Variants in NIPA1 observed in about 807,000 individuals in gnomAD.
NIPA1 encodes the protein NIPA magnesium transporter 1.
Under a neutral mutation model 23.9 loss-of-function variants are expected in NIPA1, and 13 were observed. The observed-to-expected ratio is 0.54, with a 90% confidence interval of 0.35 to 0.87. The LOEUF (loss-of-function observed/expected upper bound fraction) is 0.87, where lower values mean the gene tolerates loss of function less well. Among genes scored for constraint, NIPA1 ranks in the 40% least tolerant of loss-of-function variants. The probability of loss-of-function intolerance (pLI) is 0.01; values close to 1 mark genes in which losing one functional copy is unlikely to be tolerated. For missense variants in NIPA1, 362 were observed against 429.7 expected (o/e 0.84, Z 1.39); for synonymous variants, 234 against 202.9 (o/e 1.15, Z -1.30).
At chr15:22,802,262 C>G (rs1190582866) in intron 1 of NIPA1, among the ~76,000 whole-genome samples, 1 of 151,740 alleles carries the variant, frequency 6.6e-6, no homozygotes, top group Non-Finnish European at 1.5e-5. Context: ...CGTGGTGGCA[C>G]ATGCCTGTAA....
In NIPA1 at chr15:22,797,167, G is replaced by A. The variant is rs143246035; in HGVS notation, c.178+10333G>A. Among the ~76,000 whole-genome samples, 204 of 150,872 alleles carry A rather than the reference G, an allele frequency of 1.4e-3. 2 individuals are homozygous for A. Among genetic ancestry groups the A allele is most frequent in the African/African-American group, 4.7e-3 (191 of 40,962 alleles). The stretch of plus-strand genomic sequence containing the variant: ...CGATTCTTGTGCCTCAGCCTCCCGA[G>A]TAGCTGGGATTACATGTGAACACCA... On this transcript the variant is annotated intron_variant, in intron 1 of 4. Transcript: ENST00000337435.
At chr15:22,791,912 G>A (rs1431461633) in intron 1 of NIPA1, among the ~76,000 whole-genome samples, 1 of 152,142 alleles carries the variant, frequency 6.6e-6, no homozygotes, top group Non-Finnish European at 1.5e-5. Flanking sequence ...AGTCCAGGGA[G>A]CGTCCTCTAC....
Position 22,824,580 on chromosome 15 carries a change from G to C in NIPA1, c.*341G>C. On this transcript the variant is annotated 3_prime_UTR_variant, in exon 5 of 5. Transcript: ENST00000337435. This position sits in a 1 kb window ranked among gnomAD's most constrained non-coding sequence, Gnocchi z 4.1. ...GAAAAAGATGGGCTCTTTCTGGTTA[G>C]TTGTTACATGATAGCAGAGATATTT... 1 of 324,482 alleles carries C rather than the reference G, an allele frequency of 3.1e-6. No individual in the cohort carries two copies. Among genetic ancestry groups the C allele is most frequent in the South Asian group, 3.2e-5 (1 of 31,732 alleles). 20.1% of individuals were successfully genotyped at this position (324,482 alleles called of 1,614,324 possible).
rs1348261105 is a variant in NIPA1, at chr15:22,824,176, G to A, written c.927G>A (p.Gln309=). The A allele has an allele frequency of 6.2e-7, 1 of 1,613,412 alleles. No homozygotes were observed. Among genetic ancestry groups the A allele is most frequent in the African/African-American group, 1.3e-5 (1 of 75,044 alleles). Residue 309 remains glutamine (Q), a synonymous_variant, in exon 5 of 5, where the codon CAG becomes CAA. Coordinates refer to ENST00000337435, the MANE Select transcript of NIPA1 (RefSeq NM_144599.5). The surrounding 1 kb of genome is among the most constrained non-coding windows in gnomAD (Gnocchi z 4.1). ...TCTCCGTGGGGATTGTCCTTATACA[G>A]GTGTTCAAAGAGTTCAATTTCAACC... The part of the protein sequence containing the change: ...TTVSVGIVLI[Q]VFKEFNFNLG...
At chr15:22,786,637 G>C, upstream of NIPA1, 8 of 982,190 alleles carry the variant, frequency 8.1e-6, no homozygotes, top group South Asian at 2.6e-4. Context: ...GCGCAGGCTC[G>C]GAGGGCGGGC....
rs368583526 is a variant in NIPA1, at chr15:22,812,374, G to A, written c.317+121G>A. The A allele has an allele frequency of 1.2e-5, 9 of 742,424 alleles. No homozygotes were observed. The East Asian group carries it at 1.2e-4, about 10-fold the overall frequency. The allele number at this position is 742,424 out of a possible 1,614,324, so 46.0% of individuals were successfully genotyped here. A position where few individuals can be genotyped will look rare whatever the true frequency, so the allele number is the denominator to read the frequency against. On this transcript the variant is annotated intron_variant, in intron 3 of 4. Transcript: ENST00000337435. ...GTAATAGAAGATAGATCTTCAGGCC[G>A]GGCATGGTGGCTTACGCCTGTAATC... is the stretch of plus-strand genomic sequence containing the variant.
chr15:22,815,764 G>A (rs1763190078), intron 3 of NIPA1, among the ~76,000 whole-genome samples: 1 of 151,986 alleles, frequency 6.6e-6, no homozygotes, highest in Admixed American at 6.6e-5. Flanking sequence ...TATACAAGTG[G>A]GATTTATCCC....
intron 1 of NIPA1, among the ~76,000 whole-genome samples, chr15:22,792,986 C>T (rs546528024): frequency 6.6e-6 from 1 of 152,066 alleles, no homozygotes; most frequent in Admixed American, 6.6e-5. Flanking sequence ...GGGTTGGTAG[C>T]GGGAGGCACA....
chr15:22,811,454 AAT>A (rs1309806769), intron 2 of NIPA1, among the ~76,000 whole-genome samples: 3 of 151,914 alleles, frequency 2.0e-5, no homozygotes, highest in Non-Finnish European at 4.4e-5. Context: ...CAAAAACAAA[AAT>A]TACCTGGGCA....
chr15:22,800,360 T>C (rs572364237), intron 1 of NIPA1, among the ~76,000 whole-genome samples: 1 of 152,300 alleles, frequency 6.6e-6, no homozygotes, highest in Non-Finnish European at 1.5e-5. Flanking sequence ...GAATAATTTT[T>C]TAATGTTCTC....
chr15:22,817,663 G>A (rs944723474), intron 3 of NIPA1, among the ~76,000 whole-genome samples: 4 of 150,880 alleles, frequency 2.7e-5, no homozygotes, highest in African/African-American at 7.3e-5. Flanking sequence ...AAATTAGCCG[G>A]GCGTAGTGGC....
intron 3 of NIPA1, among the ~76,000 whole-genome samples, chr15:22,818,718 AC>A (rs1895474865): frequency 6.7e-6 from 1 of 149,890 alleles, no homozygotes; most frequent in African/African-American, 2.5e-5. Flanking sequence ...AATTGCTTGA[AC>A]CCGGGAGGCA....
chr15:22,799,499 G>A (rs1895018487), intron 1 of NIPA1, among the ~76,000 whole-genome samples: 1 of 151,584 alleles, frequency 6.6e-6, no homozygotes, highest in African/African-American at 2.4e-5. Context: ...ACAAAAATTG[G>A]CCGGCCAGCG....
intron 3 of NIPA1, among the ~76,000 whole-genome samples, chr15:22,814,924 A>G (rs1447959747): frequency 6.6e-6 from 1 of 152,110 alleles, no homozygotes; most frequent in Non-Finnish European, 1.5e-5. Flanking sequence ...CTCTTTGTTG[A>G]GGGAGCCATT....
rs1383834867 is a variant in NIPA1, at chr15:22,827,606, A to G, written c.*3367A>G. 6.6e-6 allele frequency: 1 copy of G among 152,138 alleles called. No individual in the cohort carries two copies. The highest frequency in any genetic ancestry group is 1.9e-4 in the East Asian group (1 of 5,198). 9.4% of individuals were successfully genotyped at this position (152,138 alleles called of 1,614,324 possible). On this transcript the variant is annotated 3_prime_UTR_variant, in exon 5 of 5. Transcript: ENST00000337435. The stretch of plus-strand genomic sequence containing the variant: ...TTCCTGCTCTTCAAGCCAATTTACT[A>G]CACCCAGTTGTCTTTCCAGAAGTTC...
chr15:22,804,246 A>G (rs1895153370), intron 1 of NIPA1, among the ~76,000 whole-genome samples: 2 of 151,440 alleles, frequency 1.3e-5, no homozygotes, highest in Admixed American at 6.6e-5. Flanking sequence ...CCAAAGTGCA[A>G]GGATTACAGG....
At chr15:22,789,293 A>G (rs1410494569) in intron 1 of NIPA1, among the ~76,000 whole-genome samples, 2 of 152,044 alleles carry the variant, frequency 1.3e-5, no homozygotes, top group South Asian at 2.1e-4. Context: ...CTCGGCCTAT[A>G]TTATGGTTTT....
chr15:22,812,087 A>C, intron 2 of NIPA1, 76 bp from the exon 3 acceptor site: 1 of 1,072,136 alleles, frequency 9.3e-7, no homozygotes, highest in Non-Finnish European at 1.4e-6. Context: ...GGCAGAGCCT[A>C]GCGTAATTCA....
intron 4 of NIPA1, 41 bp from the exon 5 acceptor site, chr15:22,823,687 A>G (rs1895589985): frequency 6.4e-7 from 1 of 1,570,226 alleles, no homozygotes; most frequent in African/African-American, 1.3e-5. Flanking sequence ...TGCGGCTGCT[A>G]GGCGGTGGCT....
Sources: allele counts gnomAD v4.1 joint callset (sites outside exome capture counted in the v4.1 genomes callset), GRCh38; gene constraint gnomAD v4.1.1; non-coding constraint Gnocchi (gnomAD v3.1); transcripts MANE v1.5; gene names NCBI Gene and HGNC (gene_info 2026-07-23, HGNC 2026-07-21).